DOCK11: variants seen among roughly 807,000 people sequenced by gnomAD.
DOCK11 encodes dedicator of cytokinesis protein 11.
In DOCK11, 70 loss-of-function variants were observed where a neutral mutation model predicts 169.1. The observed-to-expected ratio is 0.41, with a 90% CI of 0.34 to 0.51. The LOEUF is 0.51. Among genes scored for constraint, DOCK11 ranks in the 20% least tolerant of loss-of-function variants. The pLI is 0.10. For synonymous variants in DOCK11, 529 were observed against 541.3 expected, an observed-to-expected ratio of 0.98 and a Z score of 0.32; for missense variants, 1,166 against 1,538.8, an observed-to-expected ratio of 0.76 and a Z score of 4.05.
At chrX:118,568,275 G>A (rs1302819874) in intron 10 of DOCK11, 113 bp downstream of exon 10, 5 of 397,352 alleles carry the variant, frequency 1.3e-5, no homozygotes, top group African/African-American at 8.3e-5. Flanking sequence ...AATATAGATT[G>A]TTTTATATTT....
intron 6 of DOCK11, among the ~76,000 whole-genome samples, chrX:118,549,129 T>TGA (rs2012396286): frequency 9.5e-6 from 1 of 105,600 alleles, no homozygotes; most frequent in South Asian, 4.0e-4. Flanking sequence ...TGTGTGTGTG[T>TGA]GATCATTAAC....
intron 44 of DOCK11, among the ~76,000 whole-genome samples, chrX:118,661,606 T>C (rs1354479718): frequency 8.9e-6 from 1 of 112,045 alleles, no homozygotes; most frequent in Non-Finnish European, 1.9e-5. Flanking sequence ...TTTGTGTCTG[T>C]GTGACTAGCT....
At chrX:118,530,395 A>G (rs2011485325) in intron 1 of DOCK11, among the ~76,000 whole-genome samples, 1 of 112,461 alleles carries the variant, frequency 8.9e-6, no homozygotes, top group South Asian at 3.6e-4. Context: ...ATGTGAGTAA[A>G]ACATCTGTTC....
intron 3 of DOCK11, 86 bp downstream of exon 3, chrX:118,543,101 T>A: frequency 4.4e-6 from 3 of 674,565 alleles, no homozygotes; most frequent in East Asian, 3.6e-5. Flanking sequence ...ATTTGTAACC[T>A]GTTTATAAAT....
intron 50 of DOCK11, 149 bp downstream of exon 50, chrX:118,681,397 T>C (rs1321434179): frequency 1.7e-6 from 1 of 599,258 alleles, no homozygotes; most frequent in Non-Finnish European, 2.4e-6. Context: ...TTAATGAAGA[T>C]ATTACATTGA....
intron 1 of DOCK11, among the ~76,000 whole-genome samples, chrX:118,532,296 A>G (rs1603036653): frequency 9.0e-6 from 1 of 111,505 alleles, no homozygotes; most frequent in South Asian, 3.7e-4. Context: ...GAATTGGGAA[A>G]ATAATTACAA....
chrX:118,583,104 A>G (rs1353534602), intron 14 of DOCK11, among the ~76,000 whole-genome samples: 1 of 112,136 alleles, frequency 8.9e-6, no homozygotes, highest in Non-Finnish European at 1.9e-5. Context: ...AGCCATAAAA[A>G]AGGATGAGTT....
intron 1 of DOCK11, among the ~76,000 whole-genome samples, chrX:118,529,018 C>G (rs1352689563): frequency 9.3e-6 from 1 of 107,306 alleles, no homozygotes; most frequent in Non-Finnish European, 1.9e-5. Flanking sequence ...GAGTCTCGCT[C>G]TGTCACCCAG....
intron 31 of DOCK11, among the ~76,000 whole-genome samples, chrX:118,620,139 A>G (rs934126627): frequency 1.6e-4 from 18 of 111,414 alleles, no homozygotes; most frequent in African/African-American, 5.5e-4. Context: ...TTTAACATAT[A>G]TATTGAAATC....
intron 12 of DOCK11, among the ~76,000 whole-genome samples, chrX:118,577,698 G>C (rs765351090): frequency 9.0e-6 from 1 of 111,677 alleles, no homozygotes; most frequent in Admixed American, 9.5e-5. Flanking sequence ...CTACCTCCAA[G>C]GGTTCTATCT....
chrX:118,662,805 G>A lies in DOCK11; in HGVS notation c.5076+13G>A. The A allele has an allele frequency of 1.0e-6, 1 of 966,353 alleles. No individual in the cohort carries two copies. Among genetic ancestry groups the A allele is most frequent in the Non-Finnish European group, 1.5e-6 (1 of 680,672 alleles). The allele number at this position is 966,353 out of a possible 1,213,427, so 79.6% of individuals were successfully genotyped here. On this transcript the variant is annotated intron_variant, in intron 45 of 52. Coordinates refer to ENST00000276202, the MANE Select transcript of DOCK11 (RefSeq NM_144658.4). ...CCATTATAGTGAAGTAAGGATTCCA[G>A]GGCCTGCATTGCCAGTTATATAAAT... is the stretch of plus-strand genomic sequence containing the variant.
At chrX:118,503,964 C>T (rs1166363255) in intron 1 of DOCK11, among the ~76,000 whole-genome samples, 2 of 110,723 alleles carry the variant, frequency 1.8e-5, no homozygotes, top group Admixed American at 1.9e-4. Context: ...CAGCAGTTGC[C>T]CTGAGGAGCA....
At chrX:118,612,165 T>C (rs1012287253) in intron 28 of DOCK11, among the ~76,000 whole-genome samples, 3 of 112,130 alleles carry the variant, frequency 2.7e-5, no homozygotes, top group Non-Finnish European at 5.6e-5. Flanking sequence ...AAGAACCTTG[T>C]GGGCAGCAAT....
intron 1 of DOCK11, among the ~76,000 whole-genome samples, chrX:118,521,501 C>G (rs1376288918): frequency 4.4e-5 from 5 of 112,469 alleles, no homozygotes; most frequent in Non-Finnish European, 7.5e-5. Context: ...TTGGAATTCT[C>G]TTTAAGTTTA....
intron 30 of DOCK11, among the ~76,000 whole-genome samples, chrX:118,617,522 A>G (rs1275251988): frequency 1.8e-5 from 2 of 109,044 alleles, no homozygotes; most frequent in East Asian, 5.8e-4. Context: ...ACCTGATCAC[A>G]ATCCCCTATA....
intron 14 of DOCK11, among the ~76,000 whole-genome samples, chrX:118,580,689 G>C (rs1325685537): frequency 9.0e-6 from 1 of 110,911 alleles, no homozygotes; most frequent in African/African-American, 3.3e-5. Context: ...TCTTGCTTTA[G>C]GGAAGTTTTC....
chrX:118,599,186 A>G lies in DOCK11; in HGVS notation c.2520A>G (p.Ser840=). ...KFFHHCQLIQ[S]GSKEVPGELI... is the part of the protein sequence containing the mutation. The stretch of plus-strand genomic sequence containing the variant: ...TCCATCATTGCCAGCTGATTCAGTC[A>G]GGCTCGAAAGAAGTTCCAGGGGAGC... The change falls in exon 23 of 53, where the codon TCA becomes TCG. Residue 840 remains serine, a synonymous_variant. Transcript: ENST00000276202. The G allele has an allele frequency of 1.7e-6, 2 of 1,211,011 alleles. No homozygotes were observed. Among genetic ancestry groups the G allele is most frequent in the Non-Finnish European group, 2.2e-6 (2 of 894,831 alleles).
intron 24 of DOCK11, among the ~76,000 whole-genome samples, chrX:118,606,113 G>A (rs772599198): frequency 1.1e-5 from 1 of 87,058 alleles, no homozygotes; most frequent in African/African-American, 4.3e-5. Context: ...TTGAGACAGA[G>A]TTTCGCTCTT....
intron 1 of DOCK11, among the ~76,000 whole-genome samples, chrX:118,535,573 G>A (rs1161027204): frequency 1.8e-5 from 2 of 111,351 alleles, no homozygotes; most frequent in African/African-American, 6.5e-5. Context: ...CAATAGATGG[G>A]AAAGACAATA....
Sources: allele counts gnomAD v4.1 joint callset (sites outside exome capture counted in the v4.1 genomes callset), GRCh38; gene constraint gnomAD v4.1.1; transcripts MANE v1.5; gene names NCBI Gene and HGNC (gene_info 2026-07-23, HGNC 2026-07-21).